EYS: variants seen among roughly 807,000 people sequenced by gnomAD.
The protein encoded by EYS is EGF-like photoreceptor maintenance factor.
In EYS, 250 loss-of-function variants were observed where a neutral mutation model predicts 282.1. That is an observed-to-expected ratio of 0.89 (90% CI 0.80 to 0.98). The LOEUF is 0.98. Ranked by LOEUF, EYS falls within the 50% of genes least tolerant of loss-of-function variation. The pLI is 0.00. For synonymous variants in EYS, 1,355 were observed against 1,282.9 expected, an observed-to-expected ratio of 1.06 and a Z score of -1.20; for missense variants, 4,016 against 3,709.0, an observed-to-expected ratio of 1.08 and a Z score of -2.15.
At chr6:64,710,901 G>A (rs1013190910) in intron 22 of EYS, among the ~76,000 whole-genome samples, 21 of 152,316 alleles carry the variant, frequency 1.4e-4, no homozygotes, top group African/African-American at 4.8e-4. Context: ...CAGCAGCCTG[G>A]TCTTCACTTT....
At chr6:64,564,016 C>A (rs1386432287) in intron 26 of EYS, among the ~76,000 whole-genome samples, 1 of 151,780 alleles carries the variant, frequency 6.6e-6, no homozygotes, top group Non-Finnish European at 1.5e-5. Context: ...TTCAAAAAAA[C>A]AAATGTCATA....
chr6:64,526,131 T>C (rs1777911066), intron 26 of EYS, among the ~76,000 whole-genome samples: 1 of 151,792 alleles, frequency 6.6e-6, no homozygotes, highest in African/African-American at 2.4e-5. Context: ...GTTTTTGAAA[T>C]TATAAAATTA....
chr6:65,420,729 G>A (rs1036305287), intron 5 of EYS, among the ~76,000 whole-genome samples: 1 of 151,828 alleles, frequency 6.6e-6, no homozygotes, highest in Non-Finnish European at 1.5e-5. Flanking sequence ...AGACTTGAAA[G>A]TAAAAATATT....
intron 29 of EYS, among the ~76,000 whole-genome samples, chr6:64,385,988 C>T (rs1772896060): frequency 6.6e-6 from 1 of 152,116 alleles, no homozygotes; most frequent in Non-Finnish European, 1.5e-5. Flanking sequence ...CAATTCTCAG[C>T]CTTCTTTTAT....
chr6:65,443,514 C>T (rs1474414689), intron 5 of EYS, among the ~76,000 whole-genome samples: 2 of 151,546 alleles, frequency 1.3e-5, no homozygotes, highest in Non-Finnish European at 3.0e-5. Context: ...TGTATAGACA[C>T]ATGTATGTAT....
intron 18 of EYS, among the ~76,000 whole-genome samples, chr6:64,892,262 TA>T (rs1447730312): frequency 1.3e-5 from 2 of 151,996 alleles, no homozygotes; most frequent in African/African-American, 2.4e-5. Flanking sequence ...GTAGATGTAT[TA>T]TTTGTATGCT....
chr6:65,185,674 C>T (rs951611792), intron 12 of EYS, among the ~76,000 whole-genome samples: 21 of 151,668 alleles, frequency 1.4e-4, no homozygotes, highest in Non-Finnish European at 2.8e-4. Context: ...TATTTCTAAG[C>T]TATGTGTTCG....
chr6:65,010,275 C>T (rs1771824234), intron 13 of EYS, among the ~76,000 whole-genome samples: 2 of 152,176 alleles, frequency 1.3e-5, no homozygotes, highest in African/African-American at 4.8e-5. Flanking sequence ...GGCTTAGTAT[C>T]TGAAGCAGTT....
chr6:64,630,828 A>C (rs1767754854), intron 22 of EYS, among the ~76,000 whole-genome samples: 2 of 152,250 alleles, frequency 1.3e-5, no homozygotes, highest in South Asian at 4.1e-4. Flanking sequence ...ATAGAAGTGC[A>C]TAACAATTTA....
chr6:64,418,617 A>AAAT (rs1269568385), intron 28 of EYS, among the ~76,000 whole-genome samples: 1 of 152,196 alleles, frequency 6.6e-6, no homozygotes, highest in African/African-American at 2.4e-5. Context: ...TCATTGACTG[A>AAAT]AATTGATTTT....
chr6:65,151,118 A>T (rs898125822), intron 12 of EYS, among the ~76,000 whole-genome samples: 1 of 151,954 alleles, frequency 6.6e-6, no homozygotes, highest in Non-Finnish European at 1.5e-5. Flanking sequence ...TGATTACATA[A>T]AATAAGTTTA....
At chr6:64,642,390 T>C (rs891116968) in intron 22 of EYS, among the ~76,000 whole-genome samples, 1 of 152,200 alleles carries the variant, frequency 6.6e-6, no homozygotes, top group Non-Finnish European at 1.5e-5. Context: ...TGCCATTATA[T>C]ATTATGCTCT....
intron 1 of EYS, among the ~76,000 whole-genome samples, chr6:65,671,461 A>C (rs1482736780): frequency 6.6e-6 from 1 of 152,158 alleles, no homozygotes; most frequent in Non-Finnish European, 1.5e-5. Flanking sequence ...TGAACAAAAA[A>C]AACTAATATA....
intron 36 of EYS, among the ~76,000 whole-genome samples, chr6:63,831,930 C>A (rs1771650880): frequency 6.6e-6 from 1 of 152,124 alleles, no homozygotes; most frequent in Non-Finnish European, 1.5e-5. Context: ...AACGGCTCAA[C>A]TACATGGAAA....
At chr6:64,174,761 T>C (rs1764578387) in intron 31 of EYS, among the ~76,000 whole-genome samples, 1 of 152,096 alleles carries the variant, frequency 6.6e-6, no homozygotes, top group Middle Eastern at 3.8e-3. Flanking sequence ...AGATAATACC[T>C]CACTAAAATG....
intron 22 of EYS, among the ~76,000 whole-genome samples, chr6:64,800,353 C>A (rs565939609): frequency 1.3e-5 from 2 of 152,112 alleles, no homozygotes; most frequent in Non-Finnish European, 2.9e-5. Context: ...TCTCTTCAAT[C>A]AGGTAGGCAG....
intron 22 of EYS, among the ~76,000 whole-genome samples, chr6:64,635,386 T>C (rs1002933461): frequency 6.6e-6 from 1 of 152,194 alleles, no homozygotes; most frequent in Non-Finnish European, 1.5e-5. Flanking sequence ...AGAGAGGGCA[T>C]CCCTGTCTTG....
At chr6:64,136,865 TC>T (rs1774176581) in intron 31 of EYS, among the ~76,000 whole-genome samples, 1 of 152,172 alleles carries the variant, frequency 6.6e-6, no homozygotes, top group Non-Finnish European at 1.5e-5. Flanking sequence ...AGCATTGGCT[TC>T]AACTTAAAGT....
At chr6:64,561,348 TA>T (rs1263189472) in intron 26 of EYS, among the ~76,000 whole-genome samples, 1 of 151,898 alleles carries the variant, frequency 6.6e-6, no homozygotes, top group Non-Finnish European at 1.5e-5. Context: ...GAGAAAGAAA[TA>T]AAGGGAATCC....
Sources: gnomAD v4.1 joint callset for allele counts (sites outside exome capture counted in the v4.1 genomes callset) on GRCh38, gnomAD v4.1.1 for gene constraint, MANE v1.5 for transcripts, NCBI Gene and HGNC (gene_info 2026-07-23, HGNC 2026-07-21) for gene names.